The following FMN2 variants were observed in gnomAD, a reference collection of about 807,000 sequenced individuals.
FMN2 encodes the protein formin 2.
A neutral mutation model predicts 142.3 loss-of-function variants in FMN2; 51 were observed. That is an observed-to-expected ratio of 0.36 (90% CI 0.29 to 0.45). The LOEUF (loss-of-function observed/expected upper bound fraction) is 0.45. FMN2 is among the 20% of genes least tolerant of loss of function. The pLI is 1.00. For synonymous variants in FMN2, 882 were observed against 869.8 expected (o/e 1.01, Z -0.25); for missense variants, 1,936 against 2,122.8 (o/e 0.91, Z 1.73).
At chr1:240,468,836 T>TG (rs1676719864) in intron 16 of FMN2, among the ~76,000 whole-genome samples, 1 of 152,126 alleles carries the variant, frequency 6.6e-6, no homozygotes, top group Non-Finnish European at 1.5e-5. Context: ...GAAGATCGAA[T>TG]GTTGGCAGCT....
chr1:240,324,667 G>A (rs575044411), intron 8 of FMN2, among the ~76,000 whole-genome samples: 2 of 118,030 alleles, frequency 1.7e-5, no homozygotes, highest in South Asian at 3.1e-4. Context: ...AGACCCTGTC[G>A]AAAGAAGGAA....
At chr1:240,228,330 AAAGAAAAAG>A (rs1281073840) in intron 6 of FMN2, among the ~76,000 whole-genome samples, 3 of 67,440 alleles carry the variant, frequency 4.4e-5, no homozygotes, top group East Asian at 3.6e-4. Context: ...AAAAAAAAAA[AAAGAAAAAG>A]AAAAAGAAAA....
intron 3 of FMN2, among the ~76,000 whole-genome samples, chr1:240,187,135 T>A (rs1572036714): frequency 6.8e-6 from 1 of 146,472 alleles, no homozygotes; most frequent in South Asian, 2.1e-4. Context: ...CTGGGTGTGG[T>A]GGCGGGTGCC....
rs1236533449 is a variant in FMN2 at position 240,271,760 on chromosome 1, T to G, written c.4153+13728T>G. 2.0e-5 allele frequency among the ~76,000 whole-genome samples: 3 copies of G among 152,108 alleles called. No individual in the cohort carries two copies. The East Asian group carries it at 5.8e-4, about 29-fold the overall frequency. On this transcript the variant is annotated intron_variant, in intron 7 of 17. Coordinates refer to ENST00000319653, the MANE Select transcript of FMN2 (RefSeq NM_020066.5). Reference sequence around the variant, plus strand: ...TTCATAAAAACCTACTCTCAGAAATTTAATATGAGAATTTGTTTTAATTTA... The same window carrying G: ...TTCATAAAAACCTACTCTCAGAAATGTAATATGAGAATTTGTTTTAATTTA...
intron 14 of FMN2, among the ~76,000 whole-genome samples, chr1:240,370,105 T>A (rs1037060541): frequency 6.6e-6 from 1 of 152,188 alleles, no homozygotes; most frequent in African/African-American, 2.4e-5. Context: ...AAAACTAAAG[T>A]TCTAGGTTGC....
At chr1:240,282,748 C>T (rs188596411) in intron 7 of FMN2, among the ~76,000 whole-genome samples, 2 of 152,244 alleles carry the variant, frequency 1.3e-5, no homozygotes, top group East Asian at 1.9e-4. Flanking sequence ...ATCTTATCAT[C>T]GAGTGTAAAA....
chr1:240,250,630 AT>A (rs917051645), intron 6 of FMN2, among the ~76,000 whole-genome samples: 4 of 151,052 alleles, frequency 2.6e-5, no homozygotes, highest in Non-Finnish European at 3.0e-5. Context: ...CTTCTCTTCT[AT>A]TTTTTTTGGG....
intron 6 of FMN2, among the ~76,000 whole-genome samples, chr1:240,212,948 T>G (rs1666750318): frequency 6.6e-6 from 1 of 151,264 alleles, no homozygotes; most frequent in Non-Finnish European, 1.5e-5. Context: ...TGTGTTTTTT[T>G]GTTTGTTTGT....
intron 14 of FMN2, among the ~76,000 whole-genome samples, chr1:240,359,643 C>G (rs2103052151): frequency 6.6e-6 from 1 of 152,318 alleles, no homozygotes; most frequent in South Asian, 2.1e-4. Context: ...TTAAACACCT[C>G]CTCACTGGGA....
chr1:240,095,874 GT>G (rs1361365906), intron 1 of FMN2, among the ~76,000 whole-genome samples: 1 of 152,068 alleles, frequency 6.6e-6, no homozygotes, highest in Non-Finnish European at 1.5e-5. Context: ...CAGGTGATTT[GT>G]TTTTTAAATT....
chr1:240,244,562 C>A (rs1668017522), intron 6 of FMN2, among the ~76,000 whole-genome samples: 1 of 152,204 alleles, frequency 6.6e-6, no homozygotes, highest in Admixed American at 6.5e-5. Flanking sequence ...CATAAACTTT[C>A]TACTATGTCT....
intron 14 of FMN2, among the ~76,000 whole-genome samples, chr1:240,378,200 G>C (rs1673109085): frequency 1.3e-5 from 2 of 151,772 alleles, no homozygotes; most frequent in South Asian, 4.2e-4. Context: ...GCCCAGGCTA[G>C]AGTACAATGG....
intron 6 of FMN2, among the ~76,000 whole-genome samples, chr1:240,213,380 A>C (rs1307015102): frequency 6.6e-6 from 1 of 152,144 alleles, no homozygotes. Context: ...TGAGCTCTGC[A>C]CTTCAGATCT....
intron 15 of FMN2, among the ~76,000 whole-genome samples, chr1:240,405,926 A>G (rs1031772391): frequency 2.6e-5 from 4 of 152,064 alleles, no homozygotes; most frequent in African/African-American, 9.7e-5. Context: ...TACACGCCCA[A>G]AGGCATTTCT....
chr1:240,107,949 C>T lies in FMN2; in HGVS notation c.1615+14225C>T, dbSNP rs769022545. Reference sequence around the variant, plus strand: ...TGTCAAGTAACATAAATGCATCAAACGTGCACCTCAGTTCACCACAGAGAA... The same window carrying T: ...TGTCAAGTAACATAAATGCATCAAATGTGCACCTCAGTTCACCACAGAGAA... On this transcript the variant is annotated intron_variant, in intron 1 of 17. Transcript: ENST00000319653. Among the ~76,000 whole-genome samples the T allele has an allele frequency of 1.3e-4, 20 of 152,122 alleles. 1 individual carries two copies. The South Asian group carries it at 2.3e-3, about 17-fold the overall frequency.
intron 6 of FMN2, among the ~76,000 whole-genome samples, chr1:240,232,658 A>G (rs1310414934): frequency 6.6e-6 from 1 of 152,192 alleles, no homozygotes; most frequent in Non-Finnish European, 1.5e-5. Flanking sequence ...TCTATAACAT[A>G]TGACTCATAC....
At chr1:240,097,655 A>G (rs1486277825) in intron 1 of FMN2, among the ~76,000 whole-genome samples, 1 of 152,114 alleles carries the variant, frequency 6.6e-6, no homozygotes, top group African/African-American at 2.4e-5. Flanking sequence ...GCGCCCGGCT[A>G]TAGCTGTCTT....
chr1:240,395,535 G>A (rs1649558362), intron 15 of FMN2, among the ~76,000 whole-genome samples: 1 of 152,186 alleles, frequency 6.6e-6, no homozygotes. Context: ...ATTCCTGGAA[G>A]CAGGTCAAAA....
chr1:240,244,716 A>AT (rs1472501124), intron 6 of FMN2, among the ~76,000 whole-genome samples: 3 of 152,158 alleles, frequency 2.0e-5, no homozygotes, highest in East Asian at 1.9e-4. Flanking sequence ...CAGCTGTGGT[A>AT]TTTTTTTAAA....
Sources: gnomAD v4.1 joint callset for allele counts (sites outside exome capture counted in the v4.1 genomes callset) on GRCh38, gnomAD v4.1.1 for gene constraint, MANE v1.5 for transcripts, NCBI Gene and HGNC (gene_info 2026-07-23, HGNC 2026-07-21) for gene names.